The following FGFR4 variants were observed in gnomAD, a reference collection of about 807,000 sequenced individuals.
The protein encoded by FGFR4 is hydroxyaryl-protein kinase.
In FGFR4, 63 loss-of-function variants were observed where a neutral mutation model predicts 89.9. The ratio of observed to expected loss-of-function variants is 0.70; its 90% CI spans 0.57 to 0.86. The LOEUF (loss-of-function observed/expected upper bound fraction) is 0.86. FGFR4 is among the 40% of genes least tolerant of loss of function. The pLI is 0.00. For synonymous variants in FGFR4, 486 were observed against 479.4 expected, an observed-to-expected ratio of 1.01 and a Z score of -0.18; for missense variants, 928 against 1,106.7, an observed-to-expected ratio of 0.84 and a Z score of 2.29.
At position 177,096,293 on chromosome 5, in the gene FGFR4, C is replaced by T. The variant is rs758949105; in HGVS notation, c.1951C>T (p.Leu651=). Residue 651 remains leucine (L), a synonymous_variant, in exon 15 of 18, where the codon CTG becomes TTG. Coordinates refer to ENST00000292408, the MANE Select transcript of FGFR4 (RefSeq NM_213647.3). Reference sequence around the variant, plus strand: ...GGCCCTCTCTCCCCTCCAGGGCCGCCTGCCTGTGAAGTGGATGGCGCCCGA... The same window carrying T: ...GGCCCTCTCTCCCCTCCAGGGCCGCTTGCCTGTGAAGTGGATGGCGCCCGA... The part of the protein sequence containing the change: ...DYYKKTSNGR[L]PVKWMAPEAL... 2 of 1,614,038 alleles carry T rather than the reference C, an allele frequency of 1.2e-6. No homozygotes were observed. Among genetic ancestry groups the T allele is most frequent in the African/African-American group, 2.7e-5 (2 of 74,932 alleles).
chr5:177,090,584 G>C lies in FGFR4; in HGVS notation c.286G>C (p.Ala96Pro). The C allele has an allele frequency of 6.6e-7, 1 of 1,524,434 alleles. No individual in the cohort carries two copies. Among genetic ancestry groups the C allele is most frequent in the Non-Finnish European group, 8.8e-7 (1 of 1,138,206 alleles). The allele number at this position is 1,524,434 out of a possible 1,614,324, so 94.4% of individuals were successfully genotyped here. ...GATTGCCAGCTTCCTACCTGAGGATGCTGGCCGCTACCTCTGCCTGGCACG... is the reference window on the plus strand; with the variant it reads ...GATTGCCAGCTTCCTACCTGAGGATCCTGGCCGCTACCTCTGCCTGGCACG... ...LEIASFLPED[A>P]GRYLCLARGS... The change falls in exon 3 of 18, where the codon GCT becomes CCT. Residue 96 changes from alanine to proline, a missense_variant. Transcript: ENST00000292408.
In FGFR4 at chr5:177,096,145, TCCA is replaced by T; in HGVS notation, c.1915_1917del (p.His639del). ...GCTGACTTTGGGCTGGCCCGCGGCGTCCACCACATTGACTACTATAAGAAAACC... is the reference window on the plus strand; with the variant it reads ...GCTGACTTTGGGCTGGCCCGCGGCGTCCACATTGACTACTATAAGAAAACC... On this transcript the variant is annotated inframe_deletion, in exon 14 of 18. Transcript: ENST00000292408. 6.2e-7 allele frequency: 1 copy of T among 1,613,886 alleles called. No individual in the cohort carries two copies. The highest frequency in any genetic ancestry group is 8.5e-7 in the Non-Finnish European group (1 of 1,179,948).
intron 6 of FGFR4, 137 bp from the exon 7 acceptor site, chr5:177,092,184 T>G (rs1303946058): frequency 9.9e-6 from 9 of 908,624 alleles, no homozygotes; most frequent in African/African-American, 1.7e-5. Context: ...AGGGAAGGTT[T>G]AAGCAGGGTA....
chr5:177,096,200 C>G (rs746320694), intron 14 of FGFR4, 21 bp downstream of exon 14: 2 of 1,613,546 alleles, frequency 1.2e-6, no homozygotes, highest in Non-Finnish European at 1.7e-6. Context: ...TGGGGCAGAA[C>G]TGGATGGGGG....
rs1172571979 is a variant in FGFR4, at chr5:177,095,434, C to G, written c.1624C>G (p.Gln542Glu). The part of the protein sequence containing the change: ...NIINLLGVCT[Q>E]EGPLYVIVEC... ...CATCAACCTGCTTGGTGTCTGCACC[C>G]AGGAAGGTGGGGCCGAGGCGGGGCT... Residue 542 changes from glutamine (Q) to glutamate (E), a missense_variant, in exon 12 of 18, where the codon CAG becomes GAG. By Grantham distance (29) the Gln-to-Glu change is conservative. This residue lies in a region of FGFR4 where 741 missense variants were observed against 836.9 expected (regional missense o/e 0.89). Coordinates refer to ENST00000292408, the MANE Select transcript of FGFR4 (RefSeq NM_213647.3). The surrounding 1 kb of genome is among the most constrained non-coding windows in gnomAD (Gnocchi z 5.7). 2 of 1,614,080 alleles carry G rather than the reference C, an allele frequency of 1.2e-6. No individual in the cohort carries two copies. The highest frequency in any genetic ancestry group is 1.7e-6 in the Non-Finnish European group (2 of 1,180,030).
chr5:177,090,056 C>T (rs970385184), intron 2 of FGFR4: 6 of 662,866 alleles, frequency 9.1e-6, no homozygotes, highest in Middle Eastern at 2.9e-4. Flanking sequence ...TGATATGCCC[C>T]GGTGCAGCAT....
Position 177,095,259 on chromosome 5 carries a change from T to A in FGFR4, c.1520-71T>A, listed in dbSNP as rs1784508023. 9 of 1,288,376 alleles carry A rather than the reference T, an allele frequency of 7.0e-6. No individual in the cohort carries two copies. Among genetic ancestry groups the A allele is most frequent in the African/African-American group, 1.5e-5 (1 of 68,486 alleles). The allele number at this position is 1,288,376 out of a possible 1,614,324, so 79.8% of individuals were successfully genotyped here. On this transcript the variant is annotated intron_variant, in intron 11 of 17. Coordinates refer to ENST00000292408, the MANE Select transcript of FGFR4 (RefSeq NM_213647.3). This position sits in a 1 kb window ranked among gnomAD's most constrained non-coding sequence, Gnocchi z 5.7. ...AGCCCTGGTCCAGTGCTGCTTGTCC[T>A]GCACCTGCCTCTGCATGCTCCCTCG...
rs2149732365 is a variant in FGFR4, at chr5:177,091,111, C to A, written c.603+7C>A. ...CCGCATTGGAGGCATTCGGGTGAGTCTCTGGGTTCCAAGACCGTCTGCTCC... is the reference window on the plus strand; with the variant it reads ...CCGCATTGGAGGCATTCGGGTGAGTATCTGGGTTCCAAGACCGTCTGCTCC... On this transcript the variant is annotated splice_region_variant and intron_variant, in intron 5 of 17. Coordinates refer to ENST00000292408, the MANE Select transcript of FGFR4 (RefSeq NM_213647.3). 6.4e-7 allele frequency: 1 copy of A among 1,558,722 alleles called. No homozygotes were observed.
At position 177,097,671 on chromosome 5, in the gene FGFR4, A is replaced by C. The variant is rs551082604; in HGVS notation, c.2404A>C (p.Thr802Pro). The change falls in exon 18 of 18, where the codon ACA becomes CCA. Residue 802 changes from threonine to proline, a missense_variant. Around this residue, in one of 5 missense-constraint regions of FGFR4, gnomAD observed 129 missense variants for 150.8 expected, o/e 0.86. Transcript: ENST00000292408. ...SSFPFGSGVQT is the reference protein window; with the variant it reads ...SSFPFGSGVQP The stretch of plus-strand genomic sequence containing the variant: ...CTTCCCCTTCGGGTCTGGGGTGCAG[A>C]CATGAGCAAGGCTCAAGGCTGTGCA... 1 of 1,613,898 alleles carries C rather than the reference A, an allele frequency of 6.2e-7. No individual in the cohort carries two copies. The highest frequency in any genetic ancestry group is 1.7e-5 in the Admixed American group (1 of 60,002).
chr5:177,092,961 C>G, intron 8 of FGFR4, 177 bp downstream of exon 8: 1 of 1,279,960 alleles, frequency 7.8e-7, no homozygotes, highest in Non-Finnish European at 1.1e-6. Flanking sequence ...CACACGTGGC[C>G]GTCCATGTGA....
rs541434688 is a variant in FGFR4 at position 177,087,754 on chromosome 5, G to C, written c.-54+677G>C. Reference sequence around the variant, plus strand: ...AGTTTTACCAAGGAGGATCCGACTGGATTCGAGAGTTGAGGTGGGCCAGAG... The same window carrying C: ...AGTTTTACCAAGGAGGATCCGACTGCATTCGAGAGTTGAGGTGGGCCAGAG... On this transcript the variant is annotated intron_variant, in intron 1 of 17. Coordinates refer to ENST00000292408, the MANE Select transcript of FGFR4 (RefSeq NM_213647.3). This position sits in a 1 kb window ranked among gnomAD's most constrained non-coding sequence, Gnocchi z 6.1. The C allele has an allele frequency of 1.3e-5, 7 of 554,346 alleles. No homozygotes were observed. Among genetic ancestry groups the C allele is most frequent in the Admixed American group, 6.3e-5 (1 of 15,778 alleles). The allele number at this position is 554,346 out of a possible 1,614,324, so 34.3% of individuals were successfully genotyped here.
chr5:177,093,719 G>A lies in FGFR4; in HGVS notation c.1463G>A (p.Gly488Asp). ...FGQVVRAEAF[G>D]MDPARPDQAS... The stretch of plus-strand genomic sequence containing the variant: ...CAGGTAGTACGTGCAGAGGCCTTTG[G>A]CATGGACCCTGCCCGGCCTGACCAA... Residue 488 changes from glycine (G) to aspartate (D), a missense_variant, in exon 11 of 18, where the codon GGC becomes GAC. Physicochemically the swap from Gly to Asp is moderately conservative, Grantham distance 94. This residue lies in a region of FGFR4 where 741 missense variants were observed against 836.9 expected (regional missense o/e 0.89). Transcript: ENST00000292408. This position sits in a 1 kb window ranked among gnomAD's most constrained non-coding sequence, Gnocchi z 5.8. 1 of 1,614,104 alleles carries A rather than the reference G, an allele frequency of 6.2e-7. No individual in the cohort carries two copies. The highest frequency in any genetic ancestry group is 2.2e-5 in the East Asian group (1 of 44,888).
Position 177,090,529 on chromosome 5 carries a change from C to T in FGFR4, c.231C>T (p.Gly77=), listed in dbSNP as rs2149730917. 1 of 1,557,760 alleles carries T rather than the reference C, an allele frequency of 6.4e-7. No individual in the cohort carries two copies. Among genetic ancestry groups the T allele is most frequent in the African/African-American group, 1.4e-5 (1 of 73,710 alleles). ...YKEGSRLAPA[G]RVRGWRGRLE... ...AGGGCAGTCGCCTGGCACCTGCTGGCCGTGTACGGGGCTGGAGGGGCCGCC... is the reference window on the plus strand; with the variant it reads ...AGGGCAGTCGCCTGGCACCTGCTGGTCGTGTACGGGGCTGGAGGGGCCGCC... Residue 77 remains glycine (G), a synonymous_variant, in exon 3 of 18, where the codon GGC becomes GGT. Transcript: ENST00000292408.
Position 177,092,773 on chromosome 5 carries a change from C to T in FGFR4, c.1046C>T (p.Thr349Met), listed in dbSNP as rs774524474. The T allele has an allele frequency of 1.3e-5, 21 of 1,614,234 alleles. No homozygotes were observed. Among genetic ancestry groups the T allele is most frequent in the South Asian group, 5.5e-5 (5 of 91,086 alleles). The part of the protein sequence containing the change: ...IGLSYQSAWL[T>M]VLPEEDPTWT... ...CTCTCCTACCAGTCTGCCTGGCTCA[C>T]GGTGCTGCCAGGTGAGCACCTGAAG... is the stretch of plus-strand genomic sequence containing the variant. Residue 349 changes from threonine (T) to methionine (M), a missense_variant, in exon 8 of 18, where the codon ACG (threonine) becomes ATG (methionine). By Grantham distance (81) the Thr-to-Met change is moderately conservative (BLOSUM62 -1). Coordinates refer to ENST00000292408, the MANE Select transcript of FGFR4 (RefSeq NM_213647.3).
chr5:177,090,083 C>G lies in FGFR4; in HGVS notation c.92-307C>G, dbSNP rs751189261. On this transcript the variant is annotated intron_variant, in intron 2 of 17. Coordinates refer to ENST00000292408, the MANE Select transcript of FGFR4 (RefSeq NM_213647.3). ...GTGCAGCATGACCCTGTATGTGGCA[C>G]CAACAGCATGTGCCTTGTGTGTGTG... 19 of 672,244 alleles carry G rather than the reference C, an allele frequency of 2.8e-5. No homozygotes were observed. In the Admixed American group the frequency reaches 3.9e-4, roughly 14 times the overall value. 41.6% of individuals were successfully genotyped at this position (672,244 alleles called of 1,614,324 possible).
At chr5:177,091,173 C>A (rs908645579) in intron 5 of FGFR4, 69 bp downstream of exon 5, 2 of 1,467,646 alleles carry the variant, frequency 1.4e-6, no homozygotes, top group African/African-American at 1.4e-5. Flanking sequence ...CTCATACCTA[C>A]AAGCATACCT....
chr5:177,097,518 T>TC lies in FGFR4; in HGVS notation c.2260-5dup. Reference sequence around the variant, plus strand: ...CGCTGCAGAGGCTGACCAGCTCCGTTCCCCACAGTACCTCGACCTCCGCCT... The same window carrying TC: ...CGCTGCAGAGGCTGACCAGCTCCGTTCCCCCACAGTACCTCGACCTCCGCCT... On this transcript the variant is annotated splice_polypyrimidine_tract_variant and intron_variant, in intron 17 of 17. Coordinates refer to ENST00000292408, the MANE Select transcript of FGFR4 (RefSeq NM_213647.3). 1.2e-6 allele frequency: 2 copies of TC among 1,611,176 alleles called. No homozygotes were observed. Among genetic ancestry groups the TC allele is most frequent in the Non-Finnish European group, 1.7e-6 (2 of 1,178,582 alleles).
At position 177,092,364 on chromosome 5, in the gene FGFR4, C is replaced by T. The variant is rs368166106; in HGVS notation, c.771C>T (p.Ala257=). 76 of 1,602,410 alleles carry T rather than the reference C, an allele frequency of 4.7e-5. No homozygotes were observed. Among genetic ancestry groups the T allele is most frequent in the Non-Finnish European group, 6.2e-5 (73 of 1,171,758 alleles). The part of the protein sequence containing the change: ...HRPILQAGLP[A]NTTAVVGSDV... Reference sequence around the variant, plus strand: ...CCATCCTGCAGGCCGGGCTCCCGGCCAACACCACAGCCGTGGTGGGCAGCG... The same window carrying T: ...CCATCCTGCAGGCCGGGCTCCCGGCTAACACCACAGCCGTGGTGGGCAGCG... The change falls in exon 7 of 18, where the codon GCC becomes GCT. Residue 257 remains alanine (A), a synonymous_variant. Coordinates refer to ENST00000292408, the MANE Select transcript of FGFR4 (RefSeq NM_213647.3).
intron 2 of FGFR4, 176 bp from the exon 3 acceptor site, chr5:177,090,214 A>G (rs1236627837): frequency 5.9e-6 from 5 of 854,630 alleles, no homozygotes; most frequent in African/African-American, 1.7e-5. Context: ...AGAGTGTGGC[A>G]TTTGCCCTGG....
Sources: gnomAD v4.1 joint callset for allele counts on GRCh38, gnomAD v4.1.1 for gene constraint, gnomAD v4.1.1 regional missense constraint, Gnocchi (gnomAD v3.1) non-coding constraint, MANE v1.5 for transcripts, NCBI Gene and HGNC (gene_info 2026-07-23, HGNC 2026-07-21) for gene names.